SORCS3: variants seen among roughly 807,000 people sequenced by gnomAD.
SORCS3 encodes the protein VPS10 domain-containing receptor SorCS3.
Under a neutral mutation model 146.3 loss-of-function variants are expected in SORCS3, and 57 were observed. The ratio of observed to expected loss-of-function variants is 0.39; its 90% CI spans 0.31 to 0.49. The LOEUF is 0.49. SORCS3 is among the 20% of genes least tolerant of loss of function. The probability of loss-of-function intolerance (pLI) is 0.92; values close to 1 mark genes in which losing one functional copy is unlikely to be tolerated. For missense variants in SORCS3, 1,341 were observed against 1,575.5 expected (o/e 0.85, Z 2.52); for synonymous variants, 653 against 618.5 (o/e 1.06, Z -0.83).
chr10:105,193,280 A>G (rs1408279685), intron 14 of SORCS3, among the ~76,000 whole-genome samples: 2 of 152,192 alleles, frequency 1.3e-5, no homozygotes, highest in Non-Finnish European at 2.9e-5. Flanking sequence ...CTGTCCTTCT[A>G]TATTCCAAAT....
chr10:104,905,731 G>A (rs572302401), intron 2 of SORCS3, among the ~76,000 whole-genome samples: 9 of 152,320 alleles, frequency 5.9e-5, no homozygotes, highest in African/African-American at 1.9e-4. Context: ...CCGATACGAT[G>A]CTCTCTGAGA....
chr10:104,827,334 C>G (rs188390858), intron 1 of SORCS3, among the ~76,000 whole-genome samples: 2 of 124,088 alleles, frequency 1.6e-5, no homozygotes, highest in Admixed American at 1.7e-4. Flanking sequence ...AGTGAAATTA[C>G]TCCTTGACTC....
chr10:104,911,903 A>G (rs2018972806), intron 2 of SORCS3, among the ~76,000 whole-genome samples: 2 of 152,154 alleles, frequency 1.3e-5, no homozygotes, highest in African/African-American at 2.4e-5. Flanking sequence ...TATAATCTAG[A>G]TAATATCTGA....
intron 5 of SORCS3, among the ~76,000 whole-genome samples, chr10:105,075,934 C>G (rs1254901369): frequency 6.6e-6 from 1 of 152,190 alleles, no homozygotes; most frequent in East Asian, 1.9e-4. Flanking sequence ...TTATACCAGT[C>G]CAGTGCTCTT....
chr10:104,955,908 G>A lies in SORCS3; in HGVS notation c.796-21427G>A, dbSNP rs183121088. ...TCTTCTTGCCACAAAAGAGCTTACA[G>A]TTTTGCTGTAACTTAAGCAGGTAAT... On this transcript the variant is annotated intron_variant, in intron 3 of 26. Transcript: ENST00000369701. 1.7e-4 allele frequency among the ~76,000 whole-genome samples: 26 copies of A among 152,286 alleles called. No individual in the cohort carries two copies. In the East Asian group the frequency reaches 4.8e-3, roughly 28 times the overall value.
At chr10:105,168,251 G>A (rs1278549638) in intron 13 of SORCS3, among the ~76,000 whole-genome samples, 1 of 152,160 alleles carries the variant, frequency 6.6e-6, no homozygotes, top group Non-Finnish European at 1.5e-5. Flanking sequence ...TCCTTTCAAA[G>A]AGTAAGATTA....
intron 1 of SORCS3, among the ~76,000 whole-genome samples, chr10:104,837,568 T>A (rs2018085687): frequency 6.6e-6 from 1 of 152,222 alleles, no homozygotes; most frequent in African/African-American, 2.4e-5. Flanking sequence ...ACAAAGCTTA[T>A]TTGGTAAACC....
At chr10:104,893,689 C>G (rs1322174037) in intron 2 of SORCS3, among the ~76,000 whole-genome samples, 1 of 152,186 alleles carries the variant, frequency 6.6e-6, no homozygotes, top group African/African-American at 2.4e-5. Flanking sequence ...CTTCCAAATG[C>G]CCAAGATGCC....
intron 4 of SORCS3, among the ~76,000 whole-genome samples, chr10:104,980,518 A>G (rs2054926025): frequency 6.6e-6 from 1 of 152,194 alleles, no homozygotes; most frequent in African/African-American, 2.4e-5. Flanking sequence ...CAAATGTGTT[A>G]TTTCAGACTA....
intron 1 of SORCS3, among the ~76,000 whole-genome samples, chr10:104,705,748 C>G (rs2016329287): frequency 6.6e-6 from 1 of 152,194 alleles, no homozygotes; most frequent in South Asian, 2.1e-4. Context: ...GTTAATCCAG[C>G]AGCTCAGTGG....
At chr10:105,242,210 G>A (rs1340034830) in intron 20 of SORCS3, among the ~76,000 whole-genome samples, 2 of 144,052 alleles carry the variant, frequency 1.4e-5, no homozygotes, top group African/African-American at 5.1e-5. Context: ...TAATTGTCCT[G>A]CATCTTCAAT....
intron 5 of SORCS3, 39 bp from the exon 6 acceptor site, chr10:105,089,736 T>G: frequency 6.4e-7 from 1 of 1,564,872 alleles, no homozygotes; most frequent in Non-Finnish European, 8.8e-7. Context: ...CTGCTATCGG[T>G]GTTGTCACTG....
At chr10:104,975,729 C>T (rs1278636127) in intron 3 of SORCS3, among the ~76,000 whole-genome samples, 3 of 152,128 alleles carry the variant, frequency 2.0e-5, no homozygotes, top group African/African-American at 7.2e-5. Context: ...ATCAATGGAA[C>T]AGAACAGAGC....
intron 9 of SORCS3, among the ~76,000 whole-genome samples, chr10:105,153,645 A>ATATG (rs1554881780): frequency 6.8e-6 from 1 of 146,202 alleles, no homozygotes; most frequent in Non-Finnish European, 1.5e-5. Flanking sequence ...GTGTGTGTGT[A>ATATG]TGTGTGTGTG....
chr10:105,170,664 C>T (rs1396817787), intron 13 of SORCS3, among the ~76,000 whole-genome samples: 1 of 152,186 alleles, frequency 6.6e-6, no homozygotes, highest in African/African-American at 2.4e-5. Context: ...GAATGCCATT[C>T]TCTAAAGCAA....
intron 16 of SORCS3, among the ~76,000 whole-genome samples, chr10:105,207,846 A>G (rs1434085036): frequency 6.6e-6 from 1 of 152,196 alleles, no homozygotes; most frequent in Admixed American, 6.5e-5. Flanking sequence ...AAACACGGTT[A>G]TATTTAGCAA....
At chr10:105,162,209 A>T (rs955597913) in intron 11 of SORCS3, among the ~76,000 whole-genome samples, 8 of 152,136 alleles carry the variant, frequency 5.3e-5, no homozygotes, top group Non-Finnish European at 8.8e-5. Context: ...CTGGGAGGAA[A>T]TGAGGGTGAA....
intron 22 of SORCS3, 61 bp from the exon 23 acceptor site, chr10:105,252,714 G>T: frequency 1.2e-6 from 2 of 1,607,482 alleles, no homozygotes; most frequent in Admixed American, 3.4e-5. Flanking sequence ...CTCTGCTCTT[G>T]TCATTGATTT....
Position 105,016,155 on chromosome 10 carries a change from ATT to A in SORCS3, c.955-26886_955-26885del, listed in dbSNP as rs10625699. Among the ~76,000 whole-genome samples the A allele has an allele frequency of 4.2e-4, 43 of 101,312 alleles. 1 individual carries two copies. The highest frequency in any genetic ancestry group is 1.2e-3 in the African/African-American group (25 of 20,672). The allele number at this position is 101,312 out of a possible 152,430, so 66.5% of individuals were successfully genotyped here. ...TATAAATATATATATATATATATAT[ATT>A]TTTTTTTTTTTTTGAGATGGAGTCT... On this transcript the variant is annotated intron_variant, in intron 4 of 26. Coordinates refer to ENST00000369701, the MANE Select transcript of SORCS3 (RefSeq NM_014978.3).
Sources: gnomAD v4.1 joint callset for allele counts (sites outside exome capture counted in the v4.1 genomes callset) on GRCh38, gnomAD v4.1.1 for gene constraint, MANE v1.5 for transcripts, NCBI Gene and HGNC (gene_info 2026-07-23, HGNC 2026-07-21) for gene names.